The following GOLIM4 variants were observed in gnomAD, a reference collection of about 807,000 sequenced individuals.
GOLIM4 encodes the protein 130 kDa golgi-localized phosphoprotein.
GOLIM4 carries 71 observed loss-of-function variants against 107.4 expected under a neutral mutation model. The ratio of observed to expected loss-of-function variants is 0.66; its 90% CI spans 0.55 to 0.81. The LOEUF is 0.81. Ranked by LOEUF, GOLIM4 falls within the 30% of genes least tolerant of loss-of-function variation. GOLIM4 has a pLI of 0.00. For missense variants in GOLIM4, 830 were observed against 826.1 expected, an observed-to-expected ratio of 1.00 and a Z score of -0.06; for synonymous variants, 327 against 294.8, an observed-to-expected ratio of 1.11 and a Z score of -1.12.
intron 1 of GOLIM4, among the ~76,000 whole-genome samples, chr3:168,084,338 G>T (rs1346798805): frequency 1.3e-5 from 2 of 152,158 alleles, no homozygotes; most frequent in African/African-American, 2.4e-5. Context: ...GTCTCAGGTA[G>T]TTCTTTCTAG....
At chr3:168,028,074 C>G (rs995972331) in intron 11 of GOLIM4, among the ~76,000 whole-genome samples, 2 of 152,154 alleles carry the variant, frequency 1.3e-5, no homozygotes, top group Non-Finnish European at 2.9e-5. Context: ...ATATTTTTCA[C>G]AGGAGCTGTA....
chr3:168,070,885 A>G (rs942250649), intron 1 of GOLIM4, among the ~76,000 whole-genome samples: 1 of 152,198 alleles, frequency 6.6e-6, no homozygotes, highest in Non-Finnish European at 1.5e-5. Flanking sequence ...ACCTTTAATA[A>G]TAAGTTCGCT....
chr3:168,032,902 A>G, intron 8 of GOLIM4, 50 bp from the exon 9 acceptor site: 1 of 1,383,036 alleles, frequency 7.2e-7, no homozygotes, highest in South Asian at 1.3e-5. Context: ...TTCAAAAGTA[A>G]TGATGTAATT....
chr3:168,029,259 C>T lies in GOLIM4; in HGVS notation c.1477G>A (p.Gly493Arg), dbSNP rs763726950. The change falls in exon 11 of 16, where the codon GGA becomes AGA. Residue 493 changes from glycine to arginine, a missense_variant. Coordinates refer to ENST00000470487, the MANE Select transcript of GOLIM4 (RefSeq NM_014498.5). ...YDAMDNDIVQ[G>R]AEDQGIQGEE... Reference sequence around the variant, plus strand: ...CCTTGGATTCCCTGGTCCTCTGCTCCCTGAACGATATCATTATCCATAGCA... The same window carrying T: ...CCTTGGATTCCCTGGTCCTCTGCTCTCTGAACGATATCATTATCCATAGCA... 1 of 1,611,126 alleles carries T rather than the reference C, an allele frequency of 6.2e-7. No homozygotes were observed. The highest frequency in any genetic ancestry group is 1.1e-5 in the South Asian group (1 of 90,686).
At chr3:168,017,227 C>T (rs1717423561) in intron 14 of GOLIM4, among the ~76,000 whole-genome samples, 1 of 152,056 alleles carries the variant, frequency 6.6e-6, no homozygotes, top group African/African-American at 2.4e-5. Context: ...GTGGCTCACA[C>T]CTGTAATCCC....
intron 1 of GOLIM4, among the ~76,000 whole-genome samples, chr3:168,077,590 A>G (rs1490789242): frequency 1.3e-5 from 2 of 152,222 alleles, no homozygotes; most frequent in Non-Finnish European, 2.9e-5. Flanking sequence ...TTGTTGTTGT[A>G]GGCCACTAAG....
chr3:168,072,845 A>G (rs1192060357), intron 1 of GOLIM4, among the ~76,000 whole-genome samples: 2 of 152,154 alleles, frequency 1.3e-5, no homozygotes, highest in African/African-American at 4.8e-5. Flanking sequence ...TATTCTAAAG[A>G]CACACTGATC....
intron 14 of GOLIM4, among the ~76,000 whole-genome samples, chr3:168,017,914 T>C (rs1394088540): frequency 2.6e-5 from 4 of 152,214 alleles, no homozygotes; most frequent in African/African-American, 7.2e-5. Context: ...ATGATCCCAA[T>C]ATTTATCTCA....
rs573783051 is a variant in GOLIM4, at chr3:168,054,594, T to C, written c.188-6229A>G. ...CTCTTTAGTGCTGATCATCATGCTT[T>C]GTTTTTACTTATTAATTAAACATAA... On this transcript the variant is annotated intron_variant, in intron 1 of 15. Coordinates refer to ENST00000470487, the MANE Select transcript of GOLIM4 (RefSeq NM_014498.5). Among the ~76,000 whole-genome samples the C allele has an allele frequency of 8.5e-5, 13 of 152,228 alleles. No homozygotes were observed. In the South Asian group the frequency reaches 2.7e-3, roughly 32 times the overall value.
rs1378246761 is a variant in GOLIM4 at position 168,095,205 on chromosome 3, G to C, written c.81C>G (p.Leu27=). The change falls in exon 1 of 16, where the codon CTC becomes CTG. Residue 27 remains leucine, a synonymous_variant. Coordinates refer to ENST00000470487, the MANE Select transcript of GOLIM4 (RefSeq NM_014498.5). ...GCTCGTAGTAGAGCATCGCGCCGTAGAGAAAGCCGAACACGACGGTCAGCA... is the reference window on the plus strand; with the variant it reads ...GCTCGTAGTAGAGCATCGCGCCGTACAGAAAGCCGAACACGACGGTCAGCA... ...LLLLTVVFGF[L]YGAMLYYELQ... 1 of 1,613,794 alleles carries C rather than the reference G, an allele frequency of 6.2e-7. No individual in the cohort carries two copies. The highest frequency in any genetic ancestry group is 1.1e-5 in the South Asian group (1 of 91,068).
chr3:168,054,243 G>A (rs77267966), intron 1 of GOLIM4, among the ~76,000 whole-genome samples: 1 of 152,078 alleles, frequency 6.6e-6, no homozygotes, highest in East Asian at 1.9e-4. Context: ...GCCCAGGCCT[G>A]GGGGGGCAAA....
chr3:168,011,798 A>C (rs183378882), intron 14 of GOLIM4, among the ~76,000 whole-genome samples: 3,384 of 128,444 alleles, frequency 0.026, 114 homozygotes, highest in Non-Finnish European at 0.04. Context: ...ACACCTCACA[A>C]GGCAGGGTAT....
At chr3:168,065,710 C>A (rs1720513827) in intron 1 of GOLIM4, among the ~76,000 whole-genome samples, 1 of 152,144 alleles carries the variant, frequency 6.6e-6, no homozygotes, top group Non-Finnish European at 1.5e-5. Context: ...TGGTGGACAA[C>A]CTGGACACAG....
chr3:168,030,121 G>T (rs904460145), intron 9 of GOLIM4, 85 bp from the exon 10 acceptor site: 1 of 1,342,058 alleles, frequency 7.5e-7, no homozygotes, highest in Non-Finnish European at 1.0e-6. Flanking sequence ...ACAAACTCAG[G>T]AGGCAGAGCT....
intron 1 of GOLIM4, among the ~76,000 whole-genome samples, chr3:168,074,413 G>C (rs1720971025): frequency 6.6e-6 from 1 of 152,168 alleles, no homozygotes; most frequent in Admixed American, 6.5e-5. Context: ...CCTGAATAAA[G>C]AGGAACCAGT....
Position 168,043,440 on chromosome 3 carries a change from G to C in GOLIM4, c.456C>G (p.Asp152Glu), listed in dbSNP as rs1467646795. The change falls in exon 5 of 16, where the codon GAC becomes GAG. Residue 152 changes from aspartate to glutamate, a missense_variant. Coordinates refer to ENST00000470487, the MANE Select transcript of GOLIM4 (RefSeq NM_014498.5). The part of the protein sequence containing the change: ...QGEDFSRTFN[D>E]HKQKYLQLQQ... ...GGAGCTGCAAGTATTTTTGCTTATG[G>C]TCATTAAATGTTCTACTGAAGTCTT... 5 of 1,611,874 alleles carry C rather than the reference G, an allele frequency of 3.1e-6. No homozygotes were observed. The highest frequency in any genetic ancestry group is 4.2e-6 in the Non-Finnish European group (5 of 1,178,614).
chr3:168,043,550 G>C, intron 4 of GOLIM4, 21 bp from the exon 5 acceptor site: 1 of 1,582,722 alleles, frequency 6.3e-7, no homozygotes, highest in Non-Finnish European at 8.6e-7. Flanking sequence ...GAAAACTTGA[G>C]TAGAAATATA....
At chr3:168,024,070 T>C (rs571487149) in intron 14 of GOLIM4, among the ~76,000 whole-genome samples, 1 of 152,316 alleles carries the variant, frequency 6.6e-6, no homozygotes, top group South Asian at 2.1e-4. Flanking sequence ...GGAGAGACTG[T>C]AAAATTTACA....
At chr3:168,012,012 C>A (rs1717068416) in intron 14 of GOLIM4, among the ~76,000 whole-genome samples, 1 of 143,792 alleles carries the variant, frequency 7.0e-6, no homozygotes, top group African/African-American at 2.9e-5. Context: ...AACACAGTTC[C>A]TCACCAGCAA....
Sources: gnomAD v4.1 joint callset for allele counts (sites outside exome capture counted in the v4.1 genomes callset) on GRCh38, gnomAD v4.1.1 for gene constraint, MANE v1.5 for transcripts, NCBI Gene and HGNC (gene_info 2026-07-23, HGNC 2026-07-21) for gene names.